Variants in FBXL17 observed in about 807,000 individuals in gnomAD.
The protein encoded by FBXL17 is F-box and leucine rich repeat protein 17.
A neutral mutation model predicts 66.2 loss-of-function variants in FBXL17; 22 were observed. The ratio of observed to expected loss-of-function variants is 0.33; its 90% CI spans 0.24 to 0.47. The LOEUF (loss-of-function observed/expected upper bound fraction) is 0.47. Ranked by LOEUF, FBXL17 falls within the 20% of genes least tolerant of loss-of-function variation. The probability of loss-of-function intolerance (pLI) is 1.00; values close to 1 mark genes in which losing one functional copy is unlikely to be tolerated. For synonymous variants in FBXL17, 474 were observed against 400.5 expected (o/e 1.18, Z -2.19); for missense variants, 878 against 948.2 (o/e 0.93, Z 0.97).
chr5:107,926,828 T>C (rs748989354), intron 7 of FBXL17, among the ~76,000 whole-genome samples: 5 of 152,174 alleles, frequency 3.3e-5, no homozygotes, highest in Non-Finnish European at 7.4e-5. Flanking sequence ...TGGAGCTATC[T>C]ACAACTGATT....
chr5:108,228,655 G>A (rs900821895), intron 4 of FBXL17, among the ~76,000 whole-genome samples: 5 of 152,128 alleles, frequency 3.3e-5, no homozygotes, highest in African/African-American at 1.2e-4. Flanking sequence ...CCTTTCTTCT[G>A]TATTCCGATT....
chr5:107,877,407 G>A (rs1198959299), intron 8 of FBXL17, among the ~76,000 whole-genome samples: 1 of 152,194 alleles, frequency 6.6e-6, no homozygotes, highest in East Asian at 1.9e-4. Flanking sequence ...GAGACGGCGG[G>A]TGGGGGTCGT....
chr5:108,322,038 C>G (rs981839752), intron 4 of FBXL17, among the ~76,000 whole-genome samples: 1 of 151,806 alleles, frequency 6.6e-6, no homozygotes, highest in Non-Finnish European at 1.5e-5. Context: ...AATTGAATAG[C>G]TTAACAACAC....
chr5:108,218,348 T>C (rs951080815), intron 5 of FBXL17, among the ~76,000 whole-genome samples: 7 of 152,114 alleles, frequency 4.6e-5, no homozygotes, highest in African/African-American at 1.7e-4. Context: ...GGACATTCCA[T>C]ATCAACTTTG....
chr5:108,314,278 C>T (rs115297550), intron 4 of FBXL17, among the ~76,000 whole-genome samples: 6 of 151,704 alleles, frequency 4.0e-5, no homozygotes, highest in South Asian at 2.1e-4. Context: ...AACTGAAATA[C>T]GCTCTTAAAA....
In FBXL17 at chr5:108,186,216, T is replaced by C; in HGVS notation, c.1646A>G (p.His549Arg). ...GGTTTCATTATCCAGTTCAGTGATA[T>C]GACGTAGGTCCAAGCTGGAAAGGTT... ...LRNLSSLDLR[H>R]ITELDNETVM... The change falls in exon 6 of 9, where the codon CAT (histidine) becomes CGT (arginine). Residue 549 changes from histidine to arginine, a missense_variant. Transcript: ENST00000542267. 1 of 1,613,074 alleles carries C rather than the reference T, an allele frequency of 6.2e-7. No homozygotes were observed. The highest frequency in any genetic ancestry group is 8.5e-7 in the Non-Finnish European group (1 of 1,179,246).
chr5:107,990,717 AT>A (rs1337094632), intron 7 of FBXL17, among the ~76,000 whole-genome samples: 2 of 152,194 alleles, frequency 1.3e-5, no homozygotes, highest in Non-Finnish European at 2.9e-5. Context: ...AATATAAGAA[AT>A]AATGTTAGTC....
intron 7 of FBXL17, among the ~76,000 whole-genome samples, chr5:107,966,077 T>C (rs1022366123): frequency 6.6e-6 from 1 of 152,144 alleles, no homozygotes; most frequent in African/African-American, 2.4e-5. Flanking sequence ...AACCAGAGTA[T>C]TACAGGCATA....
At chr5:107,865,709 T>C (rs1748252489) in intron 8 of FBXL17, among the ~76,000 whole-genome samples, 1 of 152,194 alleles carries the variant, frequency 6.6e-6, no homozygotes, top group Admixed American at 6.5e-5. Flanking sequence ...AAAATGCAAA[T>C]ATTTCATTTT....
chr5:107,928,731 G>T (rs901219019), intron 7 of FBXL17, among the ~76,000 whole-genome samples: 39 of 152,042 alleles, frequency 2.6e-4, no homozygotes, highest in African/African-American at 9.2e-4. Context: ...AGAGCAAAAG[G>T]CATGTATCCC....
intron 1 of FBXL17, among the ~76,000 whole-genome samples, chr5:108,368,442 C>A (rs962372622): frequency 1.5e-4 from 23 of 151,968 alleles, no homozygotes; most frequent in Admixed American, 1.2e-3. Flanking sequence ...AGGTACTTTA[C>A]CTTTATGGTA....
intron 6 of FBXL17, among the ~76,000 whole-genome samples, chr5:108,061,232 A>G (rs865839937): frequency 6.6e-6 from 1 of 152,110 alleles, no homozygotes; most frequent in South Asian, 2.1e-4. Flanking sequence ...GGTTGCAGTG[A>G]GCTGAGATCA....
chr5:108,206,012 G>C (rs1030013791), intron 5 of FBXL17, among the ~76,000 whole-genome samples: 1 of 152,136 alleles, frequency 6.6e-6, no homozygotes, highest in African/African-American at 2.4e-5. Flanking sequence ...TTCATGCTAA[G>C]ATTGATCAGT....
chr5:107,883,594 A>G (rs1361565590), intron 7 of FBXL17, among the ~76,000 whole-genome samples: 1 of 152,132 alleles, frequency 6.6e-6, no homozygotes, highest in African/African-American at 2.4e-5. Flanking sequence ...TCAAAGGTCA[A>G]CTTCTCAGAA....
intron 7 of FBXL17, among the ~76,000 whole-genome samples, chr5:107,981,023 CA>C (rs1561350751): frequency 1.3e-5 from 2 of 152,010 alleles, no homozygotes; most frequent in Non-Finnish European, 2.9e-5. Flanking sequence ...GGGAGGTATA[CA>C]AAAGTGAGTA....
At chr5:108,107,191 C>A (rs1330793663) in intron 6 of FBXL17, among the ~76,000 whole-genome samples, 1 of 152,114 alleles carries the variant, frequency 6.6e-6, no homozygotes, top group Non-Finnish European at 1.5e-5. Flanking sequence ...CCTGCCTCAG[C>A]CTCCCGAGTA....
At chr5:107,889,058 G>A (rs534372638) in intron 7 of FBXL17, among the ~76,000 whole-genome samples, 8 of 152,110 alleles carry the variant, frequency 5.3e-5, no homozygotes, top group Middle Eastern at 3.4e-3. Context: ...GTACCTTCTC[G>A]TGGGTTTTAA....
At chr5:108,085,624 A>G (rs1748939289) in intron 6 of FBXL17, among the ~76,000 whole-genome samples, 1 of 152,166 alleles carries the variant, frequency 6.6e-6, no homozygotes, top group Non-Finnish European at 1.5e-5. Context: ...ACCTTGGCAT[A>G]CTGAATACTT....
intron 6 of FBXL17, among the ~76,000 whole-genome samples, chr5:108,126,664 CATATA>C (rs1750724861): frequency 7.4e-5 from 8 of 107,968 alleles, no homozygotes; most frequent in African/African-American, 2.6e-4. Context: ...TATATATATA[CATATA>C]TATATATATA....
Sources: gnomAD v4.1 joint callset for allele counts (sites outside exome capture counted in the v4.1 genomes callset) on GRCh38, gnomAD v4.1.1 for gene constraint, MANE v1.5 for transcripts, NCBI Gene and HGNC (gene_info 2026-07-23, HGNC 2026-07-21) for gene names.